C12orf42: variants seen among roughly 807,000 people sequenced by gnomAD.
C12orf42 encodes the protein chromosome 12 open reading frame 42.
C12orf42 carries 25 observed loss-of-function variants against 21.6 expected under a neutral mutation model. The ratio of observed to expected loss-of-function variants is 1.16; its 90% CI spans 0.84 to 1.62. The LOEUF (loss-of-function observed/expected upper bound fraction) is 1.62. C12orf42 is among the 40% of genes most tolerant of loss of function. C12orf42 has a pLI of 0.00. For synonymous variants in C12orf42, 174 were observed against 175.0 expected (o/e 0.99, Z 0.05); for missense variants, 483 against 459.3 (o/e 1.05, Z -0.47).
downstream of C12orf42, among the ~76,000 whole-genome samples, chr12:103,237,135 C>T (rs1376700648): frequency 3.9e-5 from 6 of 152,116 alleles, no homozygotes; most frequent in African/African-American, 1.4e-4. Flanking sequence ...CTTGCCTGCT[C>T]TGAAATATAT....
chr12:103,131,449 G>A, the C12orf42 span, among the ~76,000 whole-genome samples: 1 of 152,094 alleles, frequency 6.6e-6, no homozygotes, highest in Non-Finnish European at 1.5e-5. Flanking sequence ...CCACAATCTG[G>A]GAATGTGTTT....
At chr12:103,123,563 A>T in the C12orf42 span, among the ~76,000 whole-genome samples, 5 of 152,288 alleles carry the variant, frequency 3.3e-5, no homozygotes, top group African/African-American at 1.2e-4. Flanking sequence ...AGAAAGAAAG[A>T]TAGCCTATGT....
At chr12:103,352,514 A>G (rs187844061) in intron 4 of C12orf42, among the ~76,000 whole-genome samples, 1 of 152,164 alleles carries the variant, frequency 6.6e-6, no homozygotes, top group East Asian at 1.9e-4. Context: ...GGCTTTCAAT[A>G]AGGGTTTTCT....
chr12:103,326,445 T>G (rs73387710), intron 4 of C12orf42, among the ~76,000 whole-genome samples: 7,006 of 152,284 alleles, frequency 0.046, 536 homozygotes, highest in African/African-American at 0.16. Flanking sequence ...TTCCAATGGC[T>G]TCCCATTACA....
At chr12:103,289,095 T>G (rs1293209227) in intron 4 of C12orf42, among the ~76,000 whole-genome samples, 1 of 152,176 alleles carries the variant, frequency 6.6e-6, no homozygotes, top group Non-Finnish European at 1.5e-5. Context: ...TTCTATTATC[T>G]TATTGCTTTA....
At chr12:103,400,920 G>C (rs2047933528) in intron 3 of C12orf42, among the ~76,000 whole-genome samples, 1 of 152,124 alleles carries the variant, frequency 6.6e-6, no homozygotes, top group South Asian at 2.1e-4. Context: ...GGAAATGAAG[G>C]TGATTAAAGC....
chr12:103,164,864 T>C, the C12orf42 span: 1 of 365,050 alleles, frequency 2.7e-6, no homozygotes, highest in African/African-American at 2.1e-5. Flanking sequence ...CTCACAAATG[T>C]GGAGTATTAG....
At chr12:103,454,253 G>A (rs1952140469) in intron 2 of C12orf42, among the ~76,000 whole-genome samples, 1 of 152,030 alleles carries the variant, frequency 6.6e-6, no homozygotes, top group Admixed American at 6.6e-5. Context: ...TAAAACACAA[G>A]CCACCACAGC....
At chr12:103,288,260 A>G (rs1420824639) in intron 4 of C12orf42, among the ~76,000 whole-genome samples, 1 of 152,180 alleles carries the variant, frequency 6.6e-6, no homozygotes, top group Non-Finnish European at 1.5e-5. Flanking sequence ...TGCTTAAACT[A>G]AAGCATTAGG....
the C12orf42 span, among the ~76,000 whole-genome samples, chr12:103,105,271 C>T: frequency 9.9e-5 from 15 of 152,016 alleles, no homozygotes; most frequent in Non-Finnish European, 2.2e-4. Context: ...TGAGTACCCC[C>T]ACAATTTCAG....
At chr12:103,555,522 A>T in the C12orf42 span, among the ~76,000 whole-genome samples, 1 of 152,136 alleles carries the variant, frequency 6.6e-6, no homozygotes, top group Non-Finnish European at 1.5e-5. Context: ...AAGCCCAGGA[A>T]TTGACATTTT....
chr12:103,393,944 C>T (rs1390051045), intron 3 of C12orf42, among the ~76,000 whole-genome samples: 1 of 152,166 alleles, frequency 6.6e-6, no homozygotes, highest in Admixed American at 6.5e-5. Flanking sequence ...GAACCTTCCC[C>T]AGGTATGCTG....
the C12orf42 span, among the ~76,000 whole-genome samples, chr12:103,134,614 T>C: frequency 1.3e-5 from 2 of 151,944 alleles, no homozygotes; most frequent in East Asian, 1.9e-4. Context: ...CTATAAGACA[T>C]ATGAGACACC....
the C12orf42 span, among the ~76,000 whole-genome samples, chr12:103,180,815 A>G: frequency 1.3e-5 from 2 of 150,790 alleles, no homozygotes; most frequent in African/African-American, 4.9e-5. Flanking sequence ...TTTAGTAGAG[A>G]TGGGGTTTCT....
chr12:103,172,096 ATTCATTCATTCC>A, the C12orf42 span, among the ~76,000 whole-genome samples: 29 of 152,258 alleles, frequency 1.9e-4, no homozygotes, highest in Non-Finnish European at 1.5e-5. Flanking sequence ...AATGGGCATC[ATTCATTCATTCC>A]TTCATTCATT....
At chr12:103,367,045 C>G (rs1005765478) in intron 4 of C12orf42, among the ~76,000 whole-genome samples, 15 of 151,942 alleles carry the variant, frequency 9.9e-5, no homozygotes, top group African/African-American at 3.4e-4. Context: ...AATGTGGAAC[C>G]AGCCCAAATG....
chr12:103,489,219 C>T (rs1955029520), intron 1 of C12orf42, among the ~76,000 whole-genome samples: 1 of 152,210 alleles, frequency 6.6e-6, no homozygotes, highest in African/African-American at 2.4e-5. Flanking sequence ...AGCTGCAGGT[C>T]TGTTGGAGTT....
the C12orf42 span, among the ~76,000 whole-genome samples, chr12:103,063,451 T>A: frequency 6.6e-6 from 1 of 152,164 alleles, no homozygotes; most frequent in Non-Finnish European, 1.5e-5. Flanking sequence ...AGGACCCTGA[T>A]GAAGCTGGGG....
At chr12:103,518,971 A>T in the C12orf42 span, among the ~76,000 whole-genome samples, 1 of 152,160 alleles carries the variant, frequency 6.6e-6, no homozygotes, top group African/African-American at 2.4e-5. Context: ...CTCACCTTGA[A>T]TTGTAATCCC....
Sources: gnomAD v4.1 joint callset for allele counts (sites outside exome capture counted in the v4.1 genomes callset) on GRCh38, gnomAD v4.1.1 for gene constraint, MANE v1.5 for transcripts, NCBI Gene and HGNC (gene_info 2026-07-23, HGNC 2026-07-21) for gene names.